NBEAL1: variants seen among roughly 807,000 people sequenced by gnomAD.
NBEAL1 encodes neurobeachin like 1, also known as neurobeachin-like protein 1.
In NBEAL1, 273 loss-of-function variants were observed where a neutral mutation model predicts 351.3. The ratio of observed to expected loss-of-function variants is 0.78; its 90% CI spans 0.70 to 0.86. The LOEUF is 0.86. NBEAL1 is among the 40% of genes least tolerant of loss of function. NBEAL1 has a pLI of 0.00. For synonymous variants in NBEAL1, 1,050 were observed against 1,086.4 expected (o/e 0.97, Z 0.66); for missense variants, 2,961 against 3,201.3 (o/e 0.92, Z 1.81).
rs183962198 is a variant in NBEAL1, at chr2:203,213,811, T to A, written c.8070+158T>A. On this transcript the variant is annotated intron_variant, in intron 55 of 55. Transcript: ENST00000683969. ...AGTAAATAAAAACAGGATAAAGCTG[T>A]TATTCAAGAATCATGTTTATGTTAT... The A allele has an allele frequency of 4.1e-6, 4 of 983,350 alleles. No homozygotes were observed. In the Admixed American group the frequency reaches 2.5e-4, roughly 60 times the overall value. The allele number at this position is 983,350 out of a possible 1,614,324, so 60.9% of individuals were successfully genotyped here.
chr2:203,046,267 G>A (rs535326193), intron 3 of NBEAL1, among the ~76,000 whole-genome samples: 308 of 152,078 alleles, frequency 2.0e-3, no homozygotes, highest in African/African-American at 7.2e-3. Flanking sequence ...CCAGGCGGGA[G>A]TGCAGTGGCC....
chr2:203,211,137 TAAGAA>T (rs1333950180), intron 54 of NBEAL1, 31 bp downstream of exon 54: 1 of 1,454,858 alleles, frequency 6.9e-7, no homozygotes, highest in Non-Finnish European at 9.2e-7. Context: ...AAGTATCACT[TAAGAA>T]AAGGGGCAGT....
At chr2:203,024,746 C>T (rs2106001175) in intron 2 of NBEAL1, among the ~76,000 whole-genome samples, 1 of 152,004 alleles carries the variant, frequency 6.6e-6, no homozygotes, top group East Asian at 1.9e-4. Context: ...CCTGTGGTCC[C>T]AGCTACTCAG....
chr2:203,170,240 C>T (rs1178803300), intron 39 of NBEAL1, among the ~76,000 whole-genome samples: 1 of 151,958 alleles, frequency 6.6e-6, no homozygotes, highest in South Asian at 2.1e-4. Context: ...GGCATGTTGG[C>T]GGGCGCCTGT....
chr2:203,143,726 A>G (rs1292663157), intron 31 of NBEAL1, among the ~76,000 whole-genome samples: 3 of 152,140 alleles, frequency 2.0e-5, no homozygotes, highest in Non-Finnish European at 4.4e-5. Flanking sequence ...GTTTCTATAT[A>G]TCTTGAATAG....
At chr2:203,171,124 G>A (rs796892060) in intron 39 of NBEAL1, among the ~76,000 whole-genome samples, 18 of 152,168 alleles carry the variant, frequency 1.2e-4, no homozygotes, top group African/African-American at 4.3e-4. Context: ...TGGGCATGGT[G>A]GTGGGTGCCT....
At chr2:203,151,258 G>C (rs561901743) in intron 34 of NBEAL1, among the ~76,000 whole-genome samples, 179 of 152,278 alleles carry the variant, frequency 1.2e-3, no homozygotes, top group African/African-American at 4.2e-3. Flanking sequence ...CTTGAATCCA[G>C]GAGGCAGAGG....
At chr2:203,188,634 CTG>C in intron 45 of NBEAL1, 45 bp downstream of exon 45, 2 of 1,117,056 alleles carry the variant, frequency 1.8e-6, no homozygotes, top group Non-Finnish European at 2.6e-6. Context: ...TTGATAGAAA[CTG>C]TTGTTTAATA....
chr2:203,092,780 A>T lies in NBEAL1; in HGVS notation c.1099-4767A>T, dbSNP rs148563269. On this transcript the variant is annotated intron_variant, in intron 10 of 55. Transcript: ENST00000683969. Reference sequence around the variant, plus strand: ...AAAGATTTTAGTATCACCTCCTTGAATTTTTTCACACTGTTTTGAGGGATA... The same window carrying T: ...AAAGATTTTAGTATCACCTCCTTGATTTTTTTCACACTGTTTTGAGGGATA... Among the ~76,000 whole-genome samples, 188 of 152,192 alleles carry T rather than the reference A, an allele frequency of 1.2e-3. 1 individual carries two copies. Among genetic ancestry groups the T allele is most frequent in the African/African-American group, 4.2e-3 (176 of 41,530 alleles).
intron 36 of NBEAL1, among the ~76,000 whole-genome samples, chr2:203,161,104 G>A (rs1259641680): frequency 6.6e-6 from 1 of 152,092 alleles, no homozygotes; most frequent in Non-Finnish European, 1.5e-5. Flanking sequence ...GAGGCGGGTG[G>A]ATCACGAGGT....
chr2:203,122,831 C>T (rs17474056), intron 19 of NBEAL1, among the ~76,000 whole-genome samples: 69,816 of 151,960 alleles, frequency 0.46, 17,624 homozygotes, highest in Middle Eastern at 0.68. Flanking sequence ...ATAGTAACTG[C>T]TTGGTTAATG....
chr2:203,114,191 C>T (rs1368728062), intron 17 of NBEAL1, among the ~76,000 whole-genome samples: 7 of 152,102 alleles, frequency 4.6e-5, no homozygotes, highest in African/African-American at 1.7e-4. Flanking sequence ...CATTTAATCC[C>T]AGTTACCACT....
Position 203,166,268 on chromosome 2 carries a change from T to A in NBEAL1, c.5834T>A (p.Phe1945Tyr), listed in dbSNP as rs754341766. ...GAAATCACTACTCAACACATTTACT[T>A]CTATGATGGCAGCATTGAAAAAGAA... The part of the protein sequence containing the change: ...RLEITTQHIY[F>Y]YDGSIEKEDG... The change falls in exon 37 of 56, where the codon TTC becomes TAC. Residue 1945 changes from phenylalanine (F) to tyrosine (Y), a missense_variant. Coordinates refer to ENST00000683969, the MANE Select transcript of NBEAL1 (RefSeq NM_001378026.1). The A allele has an allele frequency of 1.2e-6, 2 of 1,606,718 alleles. No homozygotes were observed. The highest frequency in any genetic ancestry group is 8.5e-7 in the Non-Finnish European group (1 of 1,178,376).
intron 6 of NBEAL1, among the ~76,000 whole-genome samples, chr2:203,066,465 A>G (rs1345722930): frequency 6.6e-6 from 1 of 152,004 alleles, no homozygotes; most frequent in Non-Finnish European, 1.5e-5. Flanking sequence ...GGTATCTCCT[A>G]TGTCAACTTC....
At chr2:203,125,822 TATTGTACAATAGA>T (rs2062925200) in intron 20 of NBEAL1, 125 bp from the exon 21 acceptor site, 3 of 692,986 alleles carry the variant, frequency 4.3e-6, no homozygotes, top group Non-Finnish European at 6.7e-6. Context: ...TTTCTGATTC[TATTGTACAATAGA>T]GCGTTGGAAG....
At position 203,126,564 on chromosome 2, in the gene NBEAL1, G is replaced by A. The variant is rs1173065445; in HGVS notation, c.2993G>A (p.Ser998Asn). 12 of 1,456,636 alleles carry A rather than the reference G, an allele frequency of 8.2e-6. No individual in the cohort carries two copies. The East Asian group carries it at 3.0e-4, about 37-fold the overall frequency. 90.2% of individuals were successfully genotyped at this position (1,456,636 alleles called of 1,614,324 possible). A position where few individuals can be genotyped will look rare whatever the true frequency, so the allele number is the denominator to read the frequency against. Reference protein sequence around the residue: ...TLGALLQKVPSTLMDVNVLMA... With the variant: ...TLGALLQKVPNTLMDVNVLMA... ...TCTTCTGTTTGGTTTCAGGTGCCAA[G>A]CACCTTGATGGATGTTAATGTGTTG... Residue 998 changes from serine to asparagine, a missense_variant, in exon 22 of 56, where the codon AGC becomes AAC. Transcript: ENST00000683969.
chr2:203,171,389 G>C (rs894776914), intron 39 of NBEAL1, among the ~76,000 whole-genome samples: 2 of 152,132 alleles, frequency 1.3e-5, no homozygotes, highest in African/African-American at 2.4e-5. Context: ...AGCATCACTT[G>C]AGGCTAGGAG....
rs990076995 is a variant in NBEAL1, at chr2:203,123,569, G to T, written c.2682+1226G>T. On this transcript the variant is annotated intron_variant, in intron 19 of 55. Transcript: ENST00000683969. ...GACTGGTCTCGGACTCCTGACCTCAGTTGATCCGCCCACCTTGGCCTCTCA... is the reference window on the plus strand; with the variant it reads ...GACTGGTCTCGGACTCCTGACCTCATTTGATCCGCCCACCTTGGCCTCTCA... Among the ~76,000 whole-genome samples the T allele has an allele frequency of 4.8e-4, 73 of 152,020 alleles. 1 individual carries two copies. Among genetic ancestry groups the T allele is most frequent in the Non-Finnish European group, 1.2e-4 (8 of 67,996 alleles).
chr2:203,089,791 T>A (rs537097619), intron 10 of NBEAL1, among the ~76,000 whole-genome samples: 4 of 152,338 alleles, frequency 2.6e-5, no homozygotes, highest in African/African-American at 9.6e-5. Flanking sequence ...TTTCACCATT[T>A]TTCTCTAGGA....
Sources: allele counts gnomAD v4.1 joint callset (sites outside exome capture counted in the v4.1 genomes callset), GRCh38; gene constraint gnomAD v4.1.1; transcripts MANE v1.5; gene names NCBI Gene and HGNC (gene_info 2026-07-23, HGNC 2026-07-21).